Variants in AFAP1 observed in about 807,000 individuals in gnomAD.
AFAP1 encodes actin filament-associated protein 1.
Under a neutral mutation model 93.9 loss-of-function variants are expected in AFAP1, and 75 were observed. That is an observed-to-expected ratio of 0.80 (90% CI 0.66 to 0.97). The LOEUF is 0.97. Among genes scored for constraint, AFAP1 ranks in the 50% least tolerant of loss-of-function variants. The pLI is 0.00. For missense variants in AFAP1, 1,201 were observed against 1,050.8 expected, an observed-to-expected ratio of 1.14 and a Z score of -1.98; for synonymous variants, 517 against 430.7, an observed-to-expected ratio of 1.20 and a Z score of -2.48.
chr4:7,908,797 G>A (rs924085778), intron 1 of AFAP1, among the ~76,000 whole-genome samples: 45 of 152,214 alleles, frequency 3.0e-4, no homozygotes, highest in Middle Eastern at 3.2e-3. Context: ...CATAGTTAAC[G>A]AAGTCTGAGT....
chr4:7,770,401 C>G (rs556359233), intron 16 of AFAP1, among the ~76,000 whole-genome samples: 3 of 152,146 alleles, frequency 2.0e-5, no homozygotes, highest in Admixed American at 1.3e-4. Flanking sequence ...CCGGGGGTCA[C>G]CATGATGAAA....
chr4:7,919,391 G>A (rs571099390), intron 1 of AFAP1, among the ~76,000 whole-genome samples: 6 of 152,124 alleles, frequency 3.9e-5, no homozygotes, highest in Non-Finnish European at 7.3e-5. Flanking sequence ...TGGAACAAGG[G>A]GGCTATTTTT....
At chr4:7,768,489 GC>G (rs1714938033) in intron 17 of AFAP1, among the ~76,000 whole-genome samples, 4 of 152,138 alleles carry the variant, frequency 2.6e-5, no homozygotes, top group Non-Finnish European at 4.4e-5. Context: ...ACATCTGAGT[GC>G]TGAAGAGGAC....
intron 10 of AFAP1, among the ~76,000 whole-genome samples, chr4:7,794,565 A>G (rs2149013188): frequency 6.6e-6 from 1 of 152,150 alleles, no homozygotes; most frequent in Admixed American, 6.5e-5. Flanking sequence ...TCTGTTACCC[A>G]GGCTGGAGTG....
At chr4:7,810,033 T>C (rs1719876211) in intron 8 of AFAP1, among the ~76,000 whole-genome samples, 1 of 152,044 alleles carries the variant, frequency 6.6e-6, no homozygotes, top group Non-Finnish European at 1.5e-5. Context: ...TGGTTAATTT[T>C]TGTACTTTTT....
chr4:7,785,914 G>C (rs371998907), intron 12 of AFAP1, among the ~76,000 whole-genome samples: 3 of 152,168 alleles, frequency 2.0e-5, no homozygotes, highest in East Asian at 3.9e-4. Flanking sequence ...TCCAGCCTGG[G>C]CAACAGATTG....
At chr4:7,885,758 C>T (rs191993439) in intron 1 of AFAP1, among the ~76,000 whole-genome samples, 15 of 152,332 alleles carry the variant, frequency 9.8e-5, no homozygotes, top group African/African-American at 3.4e-4. Context: ...TACTTAGTAA[C>T]CATGTCTTTT....
rs1721563363 is a variant in AFAP1 at position 7,939,084 on chromosome 4, G to A, written c.-3+572C>T. The A allele has an allele frequency of 6.3e-6, 1 of 159,324 alleles. No individual in the cohort carries two copies. Among genetic ancestry groups the A allele is most frequent in the Non-Finnish European group, 1.4e-5 (1 of 71,528 alleles). 9.9% of individuals were successfully genotyped at this position (159,324 alleles called of 1,614,324 possible). A position where few individuals can be genotyped will look rare whatever the true frequency, so the allele number is the denominator to read the frequency against. On this transcript the variant is annotated intron_variant, in intron 1 of 17. Transcript: ENST00000420658. This position sits in a 1 kb window ranked among gnomAD's most constrained non-coding sequence, Gnocchi z 5.6. ...CAGACGAGCCACGGGGCGGCGCAGA[G>A]CCCCACTCGCAGGGCGGCCGGGACC...
intron 1 of AFAP1, among the ~76,000 whole-genome samples, chr4:7,904,748 C>A (rs1018383236): frequency 6.6e-6 from 1 of 152,120 alleles, no homozygotes; most frequent in Admixed American, 6.6e-5. Flanking sequence ...CTTGCTCTGA[C>A]CAGGCTGGAG....
intron 1 of AFAP1, among the ~76,000 whole-genome samples, chr4:7,884,350 G>C (rs922826699): frequency 2.0e-5 from 3 of 151,080 alleles, no homozygotes; most frequent in African/African-American, 7.4e-5. Flanking sequence ...AACAAATTTT[G>C]TTTTGTTTTG....
chr4:7,876,293 A>G (rs970930697), intron 1 of AFAP1, among the ~76,000 whole-genome samples: 1 of 152,214 alleles, frequency 6.6e-6, no homozygotes, highest in African/African-American at 2.4e-5. Context: ...TGAGAACAGC[A>G]GCCTCAACCA....
At chr4:7,915,195 T>A (rs1354921932) in intron 1 of AFAP1, among the ~76,000 whole-genome samples, 1 of 152,168 alleles carries the variant, frequency 6.6e-6, no homozygotes, top group Non-Finnish European at 1.5e-5. Flanking sequence ...CTGCTCTAGT[T>A]TACATTCCCC....
intron 1 of AFAP1, among the ~76,000 whole-genome samples, chr4:7,874,809 C>G (rs539075232): frequency 6.6e-6 from 1 of 151,866 alleles, no homozygotes; most frequent in African/African-American, 2.4e-5. Flanking sequence ...CAATGCTACT[C>G]TTCTAATTAT....
intron 1 of AFAP1, among the ~76,000 whole-genome samples, chr4:7,906,568 G>C (rs6850654): frequency 0.31 from 46,453 of 152,072 alleles, 8,892 homozygotes; most frequent in Non-Finnish European, 0.44. Context: ...GTATCACTCC[G>C]GCCCAGTGCT....
rs1207574885 is a variant in AFAP1, at chr4:7,793,702, T to C, written c.1391A>G (p.Gln464Arg). 1 of 1,555,406 alleles carries C rather than the reference T, an allele frequency of 6.4e-7. No individual in the cohort carries two copies. Among genetic ancestry groups the C allele is most frequent in the East Asian group, 2.3e-5 (1 of 43,874 alleles). ...IDVEMSASVI[Q>R]TAKQTFCFMN... ...TTACCAGAAGGTCTGTTTGGCTGTC[T>C]GAATGACACTTGCAGACATCTCCAC... The change falls in exon 11 of 18, where the codon CAG becomes CGG. Residue 464 changes from glutamine (Q) to arginine (R), a missense_variant. Transcript: ENST00000420658.
intron 1 of AFAP1, among the ~76,000 whole-genome samples, chr4:7,900,838 G>C (rs1209406282): frequency 6.6e-6 from 1 of 152,216 alleles, no homozygotes; most frequent in Non-Finnish European, 1.5e-5. Context: ...ATAGGAATCA[G>C]AGGAAGCACG....
At chr4:7,885,978 T>C (rs1423064745) in intron 1 of AFAP1, among the ~76,000 whole-genome samples, 3 of 152,164 alleles carry the variant, frequency 2.0e-5, no homozygotes, top group Non-Finnish European at 4.4e-5. Flanking sequence ...GGGTTACAGC[T>C]CAGACTCTCC....
chr4:7,814,003 GT>G (rs1455561718), intron 8 of AFAP1, among the ~76,000 whole-genome samples: 1 of 152,162 alleles, frequency 6.6e-6, no homozygotes, highest in Non-Finnish European at 1.5e-5. Context: ...AGGCTGTCTG[GT>G]TTTGCAGTGG....
At chr4:7,844,966 CAG>C (rs548473712) in intron 4 of AFAP1, among the ~76,000 whole-genome samples, 2 of 152,198 alleles carry the variant, frequency 1.3e-5, no homozygotes, top group Non-Finnish European at 2.9e-5. Context: ...TGCAAAATGG[CAG>C]AGTCTGCACA....
Sources: allele counts gnomAD v4.1 joint callset (sites outside exome capture counted in the v4.1 genomes callset), GRCh38; gene constraint gnomAD v4.1.1; non-coding constraint Gnocchi (gnomAD v3.1); transcripts MANE v1.5; gene names NCBI Gene and HGNC (gene_info 2026-07-23, HGNC 2026-07-21).